The following PRKCE variants were observed in gnomAD, a reference collection of about 807,000 sequenced individuals.
PRKCE encodes the protein protein kinase C epsilon.
Under a neutral mutation model 85.4 loss-of-function variants are expected in PRKCE, and 16 were observed. That is an observed-to-expected ratio of 0.19 (90% confidence interval 0.13 to 0.28). The LOEUF is 0.28. Among genes scored for constraint, PRKCE ranks in the 10% least tolerant of loss-of-function variants. The pLI is 1.00. For synonymous variants in PRKCE, 388 were observed against 371.5 expected (o/e 1.04, Z -0.51); for missense variants, 573 against 975.2 (o/e 0.59, Z 5.49).
In PRKCE at chr2:45,935,067, T is replaced by TCTCA. The variant is rs34264556; in HGVS notation, c.413-41361_413-41360insTCAC. Among the ~76,000 whole-genome samples the TCTCA allele has an allele frequency of 4.3e-3, 629 of 146,306 alleles. 5 individuals are homozygous for TCTCA. The highest frequency in any genetic ancestry group is 0.014 in the African/African-American group (545 of 39,198). On this transcript the variant is annotated intron_variant, in intron 2 of 14. Transcript: ENST00000306156. Reference sequence around the variant, plus strand: ...CAAAGCGAGACACTCACTCTCTCTCTCACACACACACACACACACACACAC... The same window carrying TCTCA: ...CAAAGCGAGACACTCACTCTCTCTCTCTCACACACACACACACACACACACACAC...
chr2:45,961,850 G>T (rs2711306), intron 2 of PRKCE, among the ~76,000 whole-genome samples: 96,408 of 151,974 alleles, frequency 0.63, 31,332 homozygotes, highest in East Asian at 0.97. Flanking sequence ...CATGTGCCGC[G>T]AAGCCCAGCT....
At chr2:45,989,280 C>T (rs539423753) in intron 6 of PRKCE, among the ~76,000 whole-genome samples, 19 of 152,346 alleles carry the variant, frequency 1.2e-4, no homozygotes, top group African/African-American at 4.1e-4. Flanking sequence ...TCTTCTTCCT[C>T]GCTCCTGCCT....
intron 1 of PRKCE, among the ~76,000 whole-genome samples, chr2:45,729,880 G>C (rs746452595): frequency 1.7e-4 from 26 of 152,202 alleles, no homozygotes; most frequent in Non-Finnish European, 3.4e-4. Context: ...CTGGAGTGCA[G>C]TTCCTACTAG....
chr2:45,943,932 GTGTT>G (rs1700058388), intron 2 of PRKCE, among the ~76,000 whole-genome samples: 1 of 152,252 alleles, frequency 6.6e-6, no homozygotes, highest in African/African-American at 2.4e-5. Flanking sequence ...AAGGCACAGA[GTGTT>G]TGGTCCACTC....
At chr2:45,938,208 TCTTGGAGGTGGTATTTAGCCC>T (rs1203352038) in intron 2 of PRKCE, among the ~76,000 whole-genome samples, 1 of 152,142 alleles carries the variant, frequency 6.6e-6, no homozygotes, top group Admixed American at 6.5e-5. Context: ...GTATTTAGTC[TCTTGGAGGTGGTATTTAGCCC>T]CTTGGAGAGG....
intron 1 of PRKCE, among the ~76,000 whole-genome samples, chr2:45,816,467 C>T (rs542327534): frequency 3.9e-5 from 6 of 152,294 alleles, no homozygotes; most frequent in Admixed American, 2.6e-4. Flanking sequence ...TAACTTGGCA[C>T]CTCACCATCC....
chr2:46,099,978 A>G (rs1671055750), intron 11 of PRKCE, among the ~76,000 whole-genome samples: 1 of 152,176 alleles, frequency 6.6e-6, no homozygotes, highest in Admixed American at 6.5e-5. Context: ...TAGAACTCTA[A>G]TAAAGCTCAG....
intron 2 of PRKCE, among the ~76,000 whole-genome samples, chr2:45,961,141 A>G (rs571393435): frequency 1.3e-5 from 2 of 152,282 alleles, no homozygotes; most frequent in East Asian, 3.9e-4. Context: ...ATTCTAATAT[A>G]AGCTGACCTA....
At chr2:46,043,730 C>G (rs181314886) in intron 10 of PRKCE, among the ~76,000 whole-genome samples, 5 of 152,102 alleles carry the variant, frequency 3.3e-5, no homozygotes, top group Non-Finnish European at 7.4e-5. Context: ...CTGATTTTTC[C>G]CCTAGATTTC....
chr2:45,864,386 C>T (rs1235109230), intron 2 of PRKCE, among the ~76,000 whole-genome samples: 1 of 152,214 alleles, frequency 6.6e-6, no homozygotes, highest in East Asian at 1.9e-4. Context: ...TACCACACCA[C>T]CCTCATGTAA....
intron 2 of PRKCE, among the ~76,000 whole-genome samples, chr2:45,914,884 TCTTA>T (rs534892161): frequency 2.3e-3 from 354 of 152,322 alleles, no homozygotes; most frequent in African/African-American, 7.9e-3. Flanking sequence ...CCCCACTTTC[TCTTA>T]CTATCAACTG....
chr2:45,854,766 G>T (rs1208400149), intron 2 of PRKCE, among the ~76,000 whole-genome samples: 2 of 152,150 alleles, frequency 1.3e-5, no homozygotes, highest in Admixed American at 6.5e-5. Context: ...AAGAACAGGA[G>T]CCTTAATATT....
intron 2 of PRKCE, among the ~76,000 whole-genome samples, chr2:45,863,477 G>T (rs532953105): frequency 6.6e-6 from 1 of 152,214 alleles, no homozygotes; most frequent in South Asian, 2.1e-4. Flanking sequence ...GGCCAGAGTG[G>T]TGCCTGCCTT....
chr2:46,056,278 G>T (rs73926177), intron 10 of PRKCE, among the ~76,000 whole-genome samples: 4,080 of 149,750 alleles, frequency 0.027, 116 homozygotes, highest in African/African-American at 0.074. Flanking sequence ...TTGGCTTTCA[G>T]GCCCATCAGT....
chr2:45,743,630 C>T (rs954532861), intron 1 of PRKCE, among the ~76,000 whole-genome samples: 6 of 152,246 alleles, frequency 3.9e-5, no homozygotes, highest in Non-Finnish European at 8.8e-5. Flanking sequence ...CCCTGCCTGG[C>T]CACATCTGTG....
At chr2:45,886,736 C>T (rs1204210458) in intron 2 of PRKCE, among the ~76,000 whole-genome samples, 2 of 152,120 alleles carry the variant, frequency 1.3e-5, no homozygotes, top group East Asian at 1.9e-4. Flanking sequence ...TTATGAAGCT[C>T]GTAAACCTTT....
At chr2:45,776,571 A>C (rs1420808258) in intron 1 of PRKCE, among the ~76,000 whole-genome samples, 1 of 152,212 alleles carries the variant, frequency 6.6e-6, no homozygotes, top group Non-Finnish European at 1.5e-5. Context: ...AGTATTTTCC[A>C]GTAGGTGGTC....
At chr2:46,154,479 G>A (rs1176598500) in intron 13 of PRKCE, among the ~76,000 whole-genome samples, 15 of 41,246 alleles carry the variant, frequency 3.6e-4, no homozygotes, top group East Asian at 1.1e-3. Context: ...CCCCCCGCCC[G>A]CCGCCGCATT....
intron 2 of PRKCE, among the ~76,000 whole-genome samples, chr2:45,896,124 C>T (rs573508245): frequency 1.8e-4 from 28 of 152,106 alleles, no homozygotes; most frequent in Non-Finnish European, 3.5e-4. Context: ...TTGCCTTGTC[C>T]GAGTCAGTTA....
Sources: allele counts gnomAD v4.1 joint callset (sites outside exome capture counted in the v4.1 genomes callset), GRCh38; gene constraint gnomAD v4.1.1; transcripts MANE v1.5; gene names NCBI Gene and HGNC (gene_info 2026-07-23, HGNC 2026-07-21).